CASZ1: variants seen among roughly 807,000 people sequenced by gnomAD.
The protein encoded by CASZ1 is castor zinc finger 1.
In CASZ1, 28 loss-of-function variants were observed where a neutral mutation model predicts 135.2. The observed-to-expected ratio is 0.21, with a 90% CI of 0.15 to 0.28. The LOEUF is 0.28. CASZ1 is among the 10% of genes least tolerant of loss of function. The pLI, the probability that CASZ1 is intolerant of heterozygous loss-of-function variation, is 1.00. For synonymous variants in CASZ1, 1,068 were observed against 1,073.4 expected (o/e 0.99, Z 0.10); for missense variants, 2,161 against 2,453.3 (o/e 0.88, Z 2.52).
chr1:10,779,283 T>A (rs992108730), intron 1 of CASZ1, among the ~76,000 whole-genome samples: 1 of 135,908 alleles, frequency 7.4e-6, no homozygotes, highest in Non-Finnish European at 1.6e-5. Flanking sequence ...TTTATAATTT[T>A]TTTTTTTTTT....
chr1:10,697,241 G>GCC lies in CASZ1; in HGVS notation c.-23-3331_-23-3330dup, dbSNP rs34408884. Among the ~76,000 whole-genome samples, 47 of 151,280 alleles carry GCC rather than the reference G, an allele frequency of 3.1e-4. No homozygotes were observed. Among genetic ancestry groups the GCC allele is most frequent in the South Asian group, 1.0e-3 (5 of 4,768 alleles). On this transcript the variant is annotated intron_variant, in intron 3 of 20. Coordinates refer to ENST00000377022, the MANE Select transcript of CASZ1 (RefSeq NM_001079843.3). This position sits in a 1 kb window ranked among gnomAD's most constrained non-coding sequence, Gnocchi z 4.7. ...TCATGGAGGGGCCCCCAGATTATGCGCCCCCCCCTTCTCTCTCTTTCTCTC... is the reference window on the plus strand; with the variant it reads ...TCATGGAGGGGCCCCCAGATTATGCGCCCCCCCCCCTTCTCTCTCTTTCTCTC...
At chr1:10,669,010 A>G (rs1570448179) in intron 4 of CASZ1, among the ~76,000 whole-genome samples, 2 of 152,188 alleles carry the variant, frequency 1.3e-5, no homozygotes, top group Admixed American at 1.3e-4. Context: ...TAGGTTCGGG[A>G]CCTTCCCTCT....
chr1:10,703,532 A>C (rs1639107014), intron 3 of CASZ1, among the ~76,000 whole-genome samples: 1 of 152,046 alleles, frequency 6.6e-6, no homozygotes, highest in Non-Finnish European at 1.5e-5. Context: ...AAATAGAGAA[A>C]CTGGCGCTCA....
chr1:10,653,760 T>G lies in CASZ1; in HGVS notation c.2297A>C (p.Lys766Thr). The G allele has an allele frequency of 1.2e-6, 2 of 1,610,240 alleles. No individual in the cohort carries two copies. The highest frequency in any genetic ancestry group is 1.7e-6 in the Non-Finnish European group (2 of 1,178,106). The change falls in exon 11 of 21, where the codon AAA (lysine) becomes ACA (threonine). Residue 766 changes from lysine (K) to threonine (T), a missense_variant. Lys to Thr is a moderately conservative substitution (Grantham distance 78, BLOSUM62 -1). Coordinates refer to ENST00000377022, the MANE Select transcript of CASZ1 (RefSeq NM_001079843.3). The part of the protein sequence containing the change: ...AATEAGPSAT[K>T]PPNSKISGLL... ...CCCCGAGATCTTGCTGTTGGGAGGT[T>G]TGGTGGCACTGGGCCCAGCCTCGGT... is the stretch of plus-strand genomic sequence containing the variant.
chr1:10,675,606 C>T (rs946095519), intron 4 of CASZ1, among the ~76,000 whole-genome samples: 6 of 152,114 alleles, frequency 3.9e-5, no homozygotes, highest in Non-Finnish European at 5.9e-5. Flanking sequence ...CCCGACACTG[C>T]GGGCATTAGG....
intron 3 of CASZ1, among the ~76,000 whole-genome samples, chr1:10,695,533 A>C (rs2100417567): frequency 3.2e-5 from 4 of 125,776 alleles, no homozygotes; most frequent in Non-Finnish European, 4.9e-5. Context: ...AGGCACCCTC[A>C]ACCAGGGAGT....
intron 19 of CASZ1, 68 bp from the exon 20 acceptor site, chr1:10,643,068 A>C (rs1642258406): frequency 1.9e-6 from 3 of 1,593,902 alleles, no homozygotes; most frequent in Non-Finnish European, 2.6e-6. Context: ...GGGCAGGCTG[A>C]GGCTCCATGC....
In CASZ1 at chr1:10,697,385, TC is replaced by T. The variant is rs1012490838; in HGVS notation, c.-23-3474del. On this transcript the variant is annotated intron_variant, in intron 3 of 20. Transcript: ENST00000377022. The surrounding 1 kb of genome is among the most constrained non-coding windows in gnomAD (Gnocchi z 4.7). ...CAGTGAGGACCTTCATGCCCGGGACTCAAGGGATGGAAGTCCAATGCCATAA... is the reference window on the plus strand; with the variant it reads ...CAGTGAGGACCTTCATGCCCGGGACTAAGGGATGGAAGTCCAATGCCATAA... 1.4e-4 allele frequency among the ~76,000 whole-genome samples: 22 copies of T among 152,056 alleles called. No homozygotes were observed. The highest frequency in any genetic ancestry group is 5.1e-4 in the African/African-American group (21 of 41,382).
At chr1:10,793,358 C>A (rs1216737115) in intron 1 of CASZ1, among the ~76,000 whole-genome samples, 1 of 152,100 alleles carries the variant, frequency 6.6e-6, no homozygotes, top group Non-Finnish European at 1.5e-5. Flanking sequence ...AAGCGTAAGG[C>A]TCCCGGGCTG....
At position 10,660,126 on chromosome 1, in the gene CASZ1, C is replaced by A. The variant is rs1479866944; in HGVS notation, c.916G>T (p.Val306Leu). The A allele has an allele frequency of 1.2e-6, 2 of 1,614,018 alleles. No individual in the cohort carries two copies. The highest frequency in any genetic ancestry group is 1.7e-6 in the Non-Finnish European group (2 of 1,180,018). ...AAGTCGTACTTGGAGGCCCGGGCTACCAGGTTCTGCATCTGGACACTGCTG... is the reference window on the plus strand; with the variant it reads ...AAGTCGTACTTGGAGGCCCGGGCTAACAGGTTCTGCATCTGGACACTGCTG... ...SHSSVQMQNL[V>L]ARASKYDFFI... Residue 306 changes from valine to leucine, a missense_variant, in exon 6 of 21, where the codon GTA becomes TTA. Val to Leu is a conservative substitution (Grantham distance 32). Transcript: ENST00000377022.
chr1:10,769,011 G>T (rs533367063), intron 1 of CASZ1, among the ~76,000 whole-genome samples: 2 of 152,200 alleles, frequency 1.3e-5, no homozygotes, highest in Non-Finnish European at 2.9e-5. Flanking sequence ...TGTGGTGGCG[G>T]CGTCTGTAAT....
Position 10,776,864 on chromosome 1 carries a change from C to T in CASZ1, c.-233-16007G>A, listed in dbSNP as rs1186547146. ...TAGAACCACCTCACCTTCTCACCAT[C>T]CAGTGCTCTTTCTTCAACAGAAGCA... On this transcript the variant is annotated intron_variant, in intron 1 of 20. Transcript: ENST00000377022. This position sits in a 1 kb window ranked among gnomAD's most constrained non-coding sequence, Gnocchi z 4.1. 6.6e-6 allele frequency among the ~76,000 whole-genome samples: 1 copy of T among 152,202 alleles called. No homozygotes were observed. The highest frequency in any genetic ancestry group is 2.4e-5 in the African/African-American group (1 of 41,440).
At chr1:10,772,979 C>T (rs1035093977) in intron 1 of CASZ1, among the ~76,000 whole-genome samples, 7 of 152,028 alleles carry the variant, frequency 4.6e-5, no homozygotes, top group Admixed American at 4.6e-4. Flanking sequence ...GGCTCTAGAA[C>T]ACCTGGTGGC....
chr1:10,654,627 G>A (rs759465628), intron 9 of CASZ1, 36 bp from the exon 10 acceptor site: 2 of 1,599,482 alleles, frequency 1.3e-6, no homozygotes, highest in African/African-American at 1.3e-5. Flanking sequence ...GCGAACGGAG[G>A]CCAGGTGCTC....
At chr1:10,704,854 G>C (rs991982886) in intron 3 of CASZ1, among the ~76,000 whole-genome samples, 1 of 152,244 alleles carries the variant, frequency 6.6e-6, no homozygotes, top group Non-Finnish European at 1.5e-5. Flanking sequence ...CCACCCCGGG[G>C]ACTGACACAG....
At chr1:10,713,190 G>A (rs1639317961) in intron 2 of CASZ1, among the ~76,000 whole-genome samples, 1 of 152,220 alleles carries the variant, frequency 6.6e-6, no homozygotes, top group Admixed American at 6.5e-5. Context: ...ATCAGCAGAT[G>A]CAATATTAAC....
Position 10,651,010 on chromosome 1 carries a change from C to T in CASZ1, c.2747G>A (p.Ser916Asn). 1 of 1,569,258 alleles carries T rather than the reference C, an allele frequency of 6.4e-7. No individual in the cohort carries two copies. The highest frequency in any genetic ancestry group is 8.6e-7 in the Non-Finnish European group (1 of 1,167,088). ...TTCGTGGGGGCCTGGGGCGCCGGTGCTCTCACCGGGTTCCGGCTTCACTTG... is the reference window on the plus strand; with the variant it reads ...TTCGTGGGGGCCTGGGGCGCCGGTGTTCTCACCGGGTTCCGGCTTCACTTG... ...PAQVKPEPGE[S>N]TGAPGPHEAS... The change falls in exon 12 of 21, where the codon AGC becomes AAC. Residue 916 changes from serine (S) to asparagine (N), a missense_variant. By Grantham distance (46) the Ser-to-Asn change is conservative. Around this residue, in one of 7 missense-constraint regions of CASZ1, gnomAD observed 406 missense variants for 387.6 expected, o/e 1.05. Coordinates refer to ENST00000377022, the MANE Select transcript of CASZ1 (RefSeq NM_001079843.3).
intron 2 of CASZ1, among the ~76,000 whole-genome samples, chr1:10,758,957 C>T (rs980739192): frequency 6.6e-6 from 1 of 152,230 alleles, no homozygotes; most frequent in African/African-American, 2.4e-5. Context: ...GGTGTCCCAT[C>T]GGACCTGTGG....
At position 10,656,724 on chromosome 1, in the gene CASZ1, G is replaced by T; in HGVS notation, c.1422C>A (p.Ser474Arg). 1 of 1,595,670 alleles carries T rather than the reference G, an allele frequency of 6.3e-7. No individual in the cohort carries two copies. Among genetic ancestry groups the T allele is most frequent in the Non-Finnish European group, 8.5e-7 (1 of 1,171,972 alleles). ...YQKYIARFSG[S>R]QHCGHIHCAY... Reference sequence around the variant, plus strand: ...CACAGTGGATGTGGCCACAGTGCTGGCTGCCCGAGAACCTGGAGGGAGGAG... The same window carrying T: ...CACAGTGGATGTGGCCACAGTGCTGTCTGCCCGAGAACCTGGAGGGAGGAG... The change falls in exon 8 of 21, where the codon AGC (serine) becomes AGA (arginine). Residue 474 changes from serine (S) to arginine (R), a missense_variant. Physicochemically the swap from Ser to Arg is moderately radical, Grantham distance 110. This residue lies in a region of CASZ1 where 248 missense variants were observed against 410.8 expected (regional missense o/e 0.60). Coordinates refer to ENST00000377022, the MANE Select transcript of CASZ1 (RefSeq NM_001079843.3).
Sources: allele counts gnomAD v4.1 joint callset (sites outside exome capture counted in the v4.1 genomes callset), GRCh38; gene constraint gnomAD v4.1.1; regional missense constraint gnomAD v4.1.1; non-coding constraint Gnocchi (gnomAD v3.1); transcripts MANE v1.5; gene names NCBI Gene and HGNC (gene_info 2026-07-23, HGNC 2026-07-21).